Variants in EDC4 observed in about 807,000 individuals in gnomAD.
EDC4 encodes the protein enhancer of mRNA-decapping protein 4.
A neutral mutation model predicts 155.8 loss-of-function variants in EDC4; 64 were observed. The ratio of observed to expected loss-of-function variants is 0.41; its 90% CI spans 0.34 to 0.51. EDC4 has a LOEUF of 0.51. EDC4 is among the 20% of genes least tolerant of loss of function. EDC4 has a pLI of 0.19. For missense variants in EDC4, 1,303 were observed against 1,812.5 expected, an observed-to-expected ratio of 0.72 and a Z score of 5.10; for synonymous variants, 684 against 716.8, an observed-to-expected ratio of 0.95 and a Z score of 0.73.
intron 1 of EDC4, 108 bp from the exon 2 acceptor site, chr16:67,875,837 A>G: frequency 6.6e-7 from 1 of 1,510,838 alleles, no homozygotes; most frequent in South Asian, 1.3e-5. Context: ...TGCTTTGCTC[A>G]GTTGAGTGTT....
At position 67,878,850 on chromosome 16, in the gene EDC4, A is replaced by G. The variant is rs368520076; in HGVS notation, c.1287+11A>G. On this transcript the variant is annotated intron_variant, in intron 11 of 28. Coordinates refer to ENST00000358933, the MANE Select transcript of EDC4 (RefSeq NM_014329.5). The surrounding 1 kb of genome is among the most constrained non-coding windows in gnomAD (Gnocchi z 5.2). ...GATGTGCAACGGAAGGTAGGCTGCC[A>G]TGGGGTACCCTGGGCAGAGTTGGGA... 1.1e-5 allele frequency: 17 copies of G among 1,613,032 alleles called. No homozygotes were observed. The East Asian group carries it at 1.3e-4, about 13-fold the overall frequency.
rs2058084770 is a variant in EDC4, at chr16:67,884,486, C to T, written c.*338C>T. On this transcript the variant is annotated 3_prime_UTR_variant, in exon 29 of 29. Transcript: ENST00000358933. This position sits in a 1 kb window ranked among gnomAD's most constrained non-coding sequence, Gnocchi z 4.1. Reference sequence around the variant, plus strand: ...AAACATTGAGAAATTCAATTAAATGCTTTTGGAATAAAATGGAGTATGTGT... The same window carrying T: ...AAACATTGAGAAATTCAATTAAATGTTTTTGGAATAAAATGGAGTATGTGT... 4.1e-6 allele frequency: 2 copies of T among 489,006 alleles called. No individual in the cohort carries two copies. The highest frequency in any genetic ancestry group is 7.3e-6 in the Non-Finnish European group (2 of 274,870). 30.3% of individuals were successfully genotyped at this position (489,006 alleles called of 1,614,324 possible).
In EDC4 at chr16:67,876,704, C is replaced by G. The variant is rs1383888044; in HGVS notation, c.351+105C>G. 6.4e-7 allele frequency: 1 copy of G among 1,558,024 alleles called. No individual in the cohort carries two copies. The highest frequency in any genetic ancestry group is 8.7e-7 in the Non-Finnish European group (1 of 1,149,520). ...CTATGGGGACCACCTTGACACTTTC[C>G]CAGTTTCAGGAAGCCAGGGCTGGGT... On this transcript the variant is annotated intron_variant, in intron 3 of 28. Transcript: ENST00000358933. The surrounding 1 kb of genome is among the most constrained non-coding windows in gnomAD (Gnocchi z 5.8).
Position 67,877,338 on chromosome 16 carries a change from G to A in EDC4, c.573G>A (p.Gln191=), listed in dbSNP as rs1298382874. 1 of 1,614,108 alleles carries A rather than the reference G, an allele frequency of 6.2e-7. No individual in the cohort carries two copies. The highest frequency in any genetic ancestry group is 1.1e-5 in the South Asian group (1 of 91,086). The part of the protein sequence containing the change: ...DLAFAHLNSP[Q]LACLDEAGNL... ...CTTTCGCGCACCTCAACTCTCCACA[G>A]CTGGCCTGCCTGGATGAGGCAGGCA... Residue 191 remains glutamine (Q), a synonymous_variant, in exon 5 of 29, where the codon CAG becomes CAA. Coordinates refer to ENST00000358933, the MANE Select transcript of EDC4 (RefSeq NM_014329.5). This position sits in a 1 kb window ranked among gnomAD's most constrained non-coding sequence, Gnocchi z 4.9.
chr16:67,881,456 G>C lies in EDC4; in HGVS notation c.2789+39G>C, dbSNP rs771785951. On this transcript the variant is annotated intron_variant, in intron 20 of 28. Transcript: ENST00000358933. This position sits in a 1 kb window ranked among gnomAD's most constrained non-coding sequence, Gnocchi z 5.4. ...CTAGGGAGGGAGAGGGTGGTCTCTA[G>C]GCTGCCTCACATAGCCTGAGGTGCT... 66 of 1,614,024 alleles carry C rather than the reference G, an allele frequency of 4.1e-5. 1 individual carries two copies. The South Asian group carries it at 7.1e-4, about 17-fold the overall frequency.
At chr16:67,875,247 G>A (rs34132524) in intron 1 of EDC4, among the ~76,000 whole-genome samples, 6,853 of 152,260 alleles carry the variant, frequency 0.045, 214 homozygotes, top group Non-Finnish European at 0.065. Flanking sequence ...GCTCCTTTAT[G>A]TCCCTGCCTT....
chr16:67,878,985 A>C lies in EDC4; in HGVS notation c.1316A>C (p.Asn439Thr). 2 of 1,610,944 alleles carry C rather than the reference A, an allele frequency of 1.2e-6. No individual in the cohort carries two copies. Among genetic ancestry groups the C allele is most frequent in the Non-Finnish European group, 1.7e-6 (2 of 1,178,758 alleles). The change falls in exon 12 of 29, where the codon AAC (asparagine) becomes ACC (threonine). Residue 439 changes from asparagine (N) to threonine (T), a missense_variant. By Grantham distance (65) the Asn-to-Thr change is moderately conservative (BLOSUM62 0). This residue lies in a region of EDC4 where 235 missense variants were observed against 367.7 expected (regional missense o/e 0.64). Coordinates refer to ENST00000358933, the MANE Select transcript of EDC4 (RefSeq NM_014329.5). This position sits in a 1 kb window ranked among gnomAD's most constrained non-coding sequence, Gnocchi z 5.2. ...KVLYVMELLQ[N>T]QEEGHACFSS... The stretch of plus-strand genomic sequence containing the variant: ...CTCTATGTGATGGAGCTGCTGCAAA[A>C]CCAGGAGGAGGGCCACGCCTGCTTC...
At position 67,882,740 on chromosome 16, in the gene EDC4, G is replaced by T. The variant is rs200924938; in HGVS notation, c.3504G>T (p.Glu1168Asp). 1 of 1,614,142 alleles carries T rather than the reference G, an allele frequency of 6.2e-7. No homozygotes were observed. The highest frequency in any genetic ancestry group is 1.3e-5 in the African/African-American group (1 of 74,952). The change falls in exon 26 of 29, where the codon GAG becomes GAT. Residue 1168 changes from glutamate (E) to aspartate (D), a missense_variant. This residue lies in a region of EDC4 where 527 missense variants were observed against 757.0 expected (regional missense o/e 0.70). Transcript: ENST00000358933. This position sits in a 1 kb window ranked among gnomAD's most constrained non-coding sequence, Gnocchi z 7.2. Reference protein sequence around the residue: ...SRKAREQEAREPVLAQLRGLV... With the variant: ...SRKAREQEARDPVLAQLRGLV... The stretch of plus-strand genomic sequence containing the variant: ...AGGCACGGGAACAGGAGGCCAGGGA[G>T]CCTGTGCTAGCCCAGCTGCGGGGCC...
rs759837420 is a variant in EDC4, at chr16:67,879,628, G to A, written c.1675G>A (p.Gly559Arg). Residue 559 changes from glycine (G) to arginine (R), a missense_variant, in exon 15 of 29, where the codon GGG (glycine) becomes AGG (arginine). Gly to Arg is a moderately radical substitution (Grantham distance 125). Transcript: ENST00000358933. The surrounding 1 kb of genome is among the most constrained non-coding windows in gnomAD (Gnocchi z 6.0). ...GCCCGAACTGGGCTCTGAGGGCCTG[G>A]GGTCAGCCGCTCACGGCTCCCAGCC... is the stretch of plus-strand genomic sequence containing the variant. ...SRPELGSEGL[G>R]SAAHGSQPDL... The A allele has an allele frequency of 6.2e-7, 1 of 1,614,044 alleles. No individual in the cohort carries two copies.
chr16:67,884,084 T>C lies in EDC4; in HGVS notation c.4142T>C (p.Leu1381Pro), dbSNP rs763656852. ...CTGCAGGCTGAGCCACACAACTCAC[T>C]TGGCAAAGCAGCTCGGCGTCTCAGC... ...QFLQAEPHNS[L>P]GKAARRLSLM... Residue 1381 changes from leucine to proline, a missense_variant, in exon 29 of 29, where the codon CTT becomes CCT. By Grantham distance (98) the Leu-to-Pro change is moderately conservative. Transcript: ENST00000358933. This position sits in a 1 kb window ranked among gnomAD's most constrained non-coding sequence, Gnocchi z 4.1. 1.2e-6 allele frequency: 2 copies of C among 1,614,132 alleles called. No individual in the cohort carries two copies. The highest frequency in any genetic ancestry group is 1.7e-6 in the Non-Finnish European group (2 of 1,180,004).
chr16:67,876,363 A>T lies in EDC4; in HGVS notation c.240-125A>T. On this transcript the variant is annotated intron_variant, in intron 2 of 28. Coordinates refer to ENST00000358933, the MANE Select transcript of EDC4 (RefSeq NM_014329.5). This position sits in a 1 kb window ranked among gnomAD's most constrained non-coding sequence, Gnocchi z 5.8. ...AGAGCTGTGGGTCTGGGGCCAGTGGACCAGGCGAAGCTGACATTGGACTAG... is the reference window on the plus strand; with the variant it reads ...AGAGCTGTGGGTCTGGGGCCAGTGGTCCAGGCGAAGCTGACATTGGACTAG... The T allele has an allele frequency of 1.4e-6, 2 of 1,439,460 alleles. No homozygotes were observed. Among genetic ancestry groups the T allele is most frequent in the Non-Finnish European group, 1.8e-6 (2 of 1,081,088 alleles). The allele number at this position is 1,439,460 out of a possible 1,614,324, so 89.2% of individuals were successfully genotyped here.
chr16:67,875,269 T>C (rs2151304040), intron 1 of EDC4, among the ~76,000 whole-genome samples: 1 of 152,348 alleles, frequency 6.6e-6, no homozygotes, highest in South Asian at 2.1e-4. Flanking sequence ...TGTGTTTACT[T>C]GCCCAAGATA....
Position 67,882,712 on chromosome 16 carries a change from G to A in EDC4, c.3476G>A (p.Arg1159Gln), listed in dbSNP as rs2058074388. 6.8e-6 allele frequency: 11 copies of A among 1,614,126 alleles called. No individual in the cohort carries two copies. In the East Asian group the frequency reaches 1.1e-4, roughly 16 times the overall value. ...LQQLESHMKS[R>Q]KAREQEAREP... ...CAGCTAGAAAGCCACATGAAGAGCC[G>A]GAAGGCACGGGAACAGGAGGCCAGG... The change falls in exon 26 of 29, where the codon CGG (arginine) becomes CAG (glutamine). Residue 1159 changes from arginine to glutamine, a missense_variant. Physicochemically the swap from Arg to Gln is conservative, Grantham distance 43 (BLOSUM62 1). Around this residue, in one of 5 missense-constraint regions of EDC4, gnomAD observed 527 missense variants for 757.0 expected, o/e 0.70. Transcript: ENST00000358933. The surrounding 1 kb of genome is among the most constrained non-coding windows in gnomAD (Gnocchi z 7.2).
intron 1 of EDC4, 39 bp downstream of exon 1, chr16:67,873,382 A>C (rs933746895): frequency 3.5e-5 from 49 of 1,398,990 alleles, no homozygotes; most frequent in Non-Finnish European, 4.5e-5. Flanking sequence ...AGGCGAGCTG[A>C]CAAAAGGGCG....
intron 1 of EDC4, 111 bp from the exon 2 acceptor site, chr16:67,875,834 C>T (rs2058039085): frequency 6.6e-7 from 1 of 1,508,274 alleles, no homozygotes; most frequent in South Asian, 1.3e-5. Flanking sequence ...ACATGCTTTG[C>T]TCAGTTGAGT....
rs543324121 is a variant in EDC4 at position 67,873,991 on chromosome 16, A to G, written c.82+648A>G. 3.5e-4 allele frequency among the ~76,000 whole-genome samples: 54 copies of G among 152,296 alleles called. No individual in the cohort carries two copies. In the South Asian group the frequency reaches 0.011, roughly 30 times the overall value. ...TACCTCAGAACTAGTCTTGCCCCCA[A>G]AGATTCCCCAAGACACAGCTAACAG... On this transcript the variant is annotated intron_variant, in intron 1 of 28. Transcript: ENST00000358933.
At chr16:67,875,232 G>C (rs1249657430) in intron 1 of EDC4, among the ~76,000 whole-genome samples, 1 of 152,076 alleles carries the variant, frequency 6.6e-6, no homozygotes, top group Non-Finnish European at 1.5e-5. Context: ...TCTCCTTTTG[G>C]TCCAGCTCCT....
chr16:67,884,355 C>T lies in EDC4; in HGVS notation c.*207C>T, dbSNP rs1250953996. The T allele has an allele frequency of 1.2e-5, 7 of 565,488 alleles. No homozygotes were observed. The highest frequency in any genetic ancestry group is 2.2e-5 in the Non-Finnish European group (7 of 324,632). The allele number at this position is 565,488 out of a possible 1,614,324, so 35.0% of individuals were successfully genotyped here. A position where few individuals can be genotyped will look rare whatever the true frequency, so the allele number is the denominator to read the frequency against. ...GGGCCCAGGGCAGGTATTGCGCCTG[C>T]TTGGGTTCTGCCATGCCTGGAGCAT... On this transcript the variant is annotated 3_prime_UTR_variant, in exon 29 of 29. Transcript: ENST00000358933. This position sits in a 1 kb window ranked among gnomAD's most constrained non-coding sequence, Gnocchi z 4.1.
chr16:67,876,237 C>A lies in EDC4; in HGVS notation c.239+136C>A. ...TAGATGACCTGGGGTGGAGCTTGAG[C>A]TTGCACTAGGATGAGAGGCAAGGAC... On this transcript the variant is annotated intron_variant, in intron 2 of 28. Transcript: ENST00000358933. This position sits in a 1 kb window ranked among gnomAD's most constrained non-coding sequence, Gnocchi z 5.8. The A allele has an allele frequency of 8.7e-7, 1 of 1,153,326 alleles. No individual in the cohort carries two copies. The highest frequency in any genetic ancestry group is 1.2e-6 in the Non-Finnish European group (1 of 811,624). The allele number at this position is 1,153,326 out of a possible 1,614,324, so 71.4% of individuals were successfully genotyped here.
Sources: gnomAD v4.1 joint callset for allele counts (sites outside exome capture counted in the v4.1 genomes callset) on GRCh38, gnomAD v4.1.1 for gene constraint, gnomAD v4.1.1 regional missense constraint, Gnocchi (gnomAD v3.1) non-coding constraint, MANE v1.5 for transcripts, NCBI Gene and HGNC (gene_info 2026-07-23, HGNC 2026-07-21) for gene names.